The following ZNF383 variants were observed in gnomAD, a reference collection of about 807,000 sequenced individuals.
The protein encoded by ZNF383 is zinc finger protein 383.
A neutral mutation model predicts 44.2 loss-of-function variants in ZNF383; 32 were observed. That is an observed-to-expected ratio of 0.72 (90% confidence interval 0.55 to 0.97). The LOEUF is 0.97. Among genes scored for constraint, ZNF383 ranks in the 50% least tolerant of loss-of-function variants. The pLI, the probability that ZNF383 is intolerant of heterozygous loss-of-function variation, is 0.00. For synonymous variants in ZNF383, 155 were observed against 186.2 expected (o/e 0.83, Z 1.36); for missense variants, 487 against 562.5 (o/e 0.87, Z 1.36).
At position 37,245,155 on chromosome 19, in the gene ZNF383, A is replaced by T. The variant is rs769132817; in HGVS notation, c.*1491A>T. On this transcript the variant is annotated 3_prime_UTR_variant, in exon 6 of 6. Coordinates refer to ENST00000684119, the MANE Select transcript of ZNF383 (RefSeq NM_001387601.1). The stretch of plus-strand genomic sequence containing the variant: ...CTGGGCGTGGTGGCATGTACCTGTA[A>T]TCCCAGCTACTCGGGAGGCTGAGAC... The T allele has an allele frequency of 1.3e-5, 2 of 151,956 alleles. No individual in the cohort carries two copies. Among genetic ancestry groups the T allele is most frequent in the Admixed American group, 6.6e-5 (1 of 15,250 alleles). The allele number at this position is 151,956 out of a possible 1,614,324, so 9.4% of individuals were successfully genotyped here.
chr19:37,246,175 TTAA>T lies in ZNF383; in HGVS notation c.*2515_*2517del, dbSNP rs1243956869. 1 of 152,166 alleles carries T rather than the reference TTAA, an allele frequency of 6.6e-6. No homozygotes were observed. The highest frequency in any genetic ancestry group is 2.4e-5 in the African/African-American group (1 of 41,434). 9.4% of individuals were successfully genotyped at this position (152,166 alleles called of 1,614,324 possible). A position where few individuals can be genotyped will look rare whatever the true frequency, so the allele number is the denominator to read the frequency against. On this transcript the variant is annotated 3_prime_UTR_variant, in exon 6 of 6. Coordinates refer to ENST00000684119, the MANE Select transcript of ZNF383 (RefSeq NM_001387601.1). ...TGGATTGCTGTGAAGAGTCAATGAA[TTAA>T]TAAATGCAAAGTACCTCAAACTGTT...
chr19:37,237,099 C>A (rs938080977), intron 5 of ZNF383, among the ~76,000 whole-genome samples: 1 of 151,972 alleles, frequency 6.6e-6, no homozygotes, highest in Admixed American at 6.6e-5. Context: ...CTTTATGGAA[C>A]GTTTTTTAAT....
At chr19:37,222,543 A>AT (rs563445725) in intron 1 of ZNF383, among the ~76,000 whole-genome samples, 49 of 152,114 alleles carry the variant, frequency 3.2e-4, no homozygotes, top group African/African-American at 1.0e-3. Flanking sequence ...CACCCAGCTA[A>AT]TTTTTTGTAT....
At chr19:37,229,298 G>C (rs1302971373) in intron 2 of ZNF383, among the ~76,000 whole-genome samples, 1 of 150,960 alleles carries the variant, frequency 6.6e-6, no homozygotes, top group African/African-American at 2.4e-5. Context: ...AAGATTACGG[G>C]CATGTGTCAC....
In ZNF383 at chr19:37,243,735, C is replaced by A; in HGVS notation, c.*71C>A. 9.4e-7 allele frequency: 1 copy of A among 1,062,732 alleles called. No homozygotes were observed. Among genetic ancestry groups the A allele is most frequent in the Non-Finnish European group, 1.3e-6 (1 of 764,404 alleles). 65.8% of individuals were successfully genotyped at this position (1,062,732 alleles called of 1,614,324 possible). On this transcript the variant is annotated 3_prime_UTR_variant, in exon 6 of 6. Coordinates refer to ENST00000684119, the MANE Select transcript of ZNF383 (RefSeq NM_001387601.1). ...ATCATGTCTAATAGTTACCCTCTTC[C>A]GTAGTTTTTTTTAAAACTTTGTATT...
At chr19:37,229,802 A>T (rs867875898) in intron 2 of ZNF383, among the ~76,000 whole-genome samples, 2,330 of 125,338 alleles carry the variant, frequency 0.019, 30 homozygotes, top group Middle Eastern at 0.028. Flanking sequence ...ATATATATAT[A>T]TTTTTTTTTT....
intron 2 of ZNF383, among the ~76,000 whole-genome samples, chr19:37,229,764 A>G (rs1384729796): frequency 1.4e-5 from 2 of 140,800 alleles, no homozygotes; most frequent in African/African-American, 2.6e-5. Context: ...ATATGTGTGT[A>G]TATATGTATA....
At chr19:37,234,636 C>T (rs988857383) in intron 3 of ZNF383, among the ~76,000 whole-genome samples, 8 of 152,102 alleles carry the variant, frequency 5.3e-5, no homozygotes, top group South Asian at 2.1e-4. Flanking sequence ...GCGATCAGCC[C>T]GCCTTGGCCT....
intron 3 of ZNF383, among the ~76,000 whole-genome samples, chr19:37,230,888 T>C (rs931266429): frequency 6.6e-6 from 1 of 152,202 alleles, no homozygotes; most frequent in African/African-American, 2.4e-5. Flanking sequence ...GGATGAAGTG[T>C]GGTGCTGGTA....
At chr19:37,241,047 T>C (rs1313536245) in intron 5 of ZNF383, among the ~76,000 whole-genome samples, 1 of 152,192 alleles carries the variant, frequency 6.6e-6, no homozygotes, top group Non-Finnish European at 1.5e-5. Flanking sequence ...CCTCAGGTGA[T>C]CTGCCCGCCT....
In ZNF383 at chr19:37,236,391, T is replaced by C. The variant is rs148749944; in HGVS notation, c.232+317T>C. On this transcript the variant is annotated intron_variant, in intron 5 of 5. Transcript: ENST00000684119. ...TGCTAGCTTTTTTTACTCTCTCTCT[T>C]TTTTTTTCTTTTTTTTTAAAGGGTC... is the stretch of plus-strand genomic sequence containing the variant. Among the ~76,000 whole-genome samples, 5 of 151,608 alleles carry C rather than the reference T, an allele frequency of 3.3e-5. No homozygotes were observed. The East Asian group carries it at 7.8e-4, about 24-fold the overall frequency.
rs578134458 is a variant in ZNF383 at position 37,235,514 on chromosome 19, A to T, written c.10-35A>T. On this transcript the variant is annotated intron_variant, in intron 3 of 5. Coordinates refer to ENST00000684119, the MANE Select transcript of ZNF383 (RefSeq NM_001387601.1). ...ATCGTAGTCTCTGATACATTTTTTTAATTACACAAGTAATACGTATGTTTA... is the reference window on the plus strand; with the variant it reads ...ATCGTAGTCTCTGATACATTTTTTTTATTACACAAGTAATACGTATGTTTA... 177 of 1,611,890 alleles carry T rather than the reference A, an allele frequency of 1.1e-4. 1 individual carries two copies. The highest frequency in any genetic ancestry group is 3.6e-4 in the South Asian group (33 of 90,886).
chr19:37,236,999 A>G (rs1417225892), intron 5 of ZNF383, among the ~76,000 whole-genome samples: 1 of 149,762 alleles, frequency 6.7e-6, no homozygotes, highest in African/African-American at 2.5e-5. Flanking sequence ...ACACACAGAG[A>G]CACACACACA....
chr19:37,218,640 G>T (rs1304359488), intron 1 of ZNF383, among the ~76,000 whole-genome samples: 2 of 152,042 alleles, frequency 1.3e-5, no homozygotes, highest in Non-Finnish European at 2.9e-5. Context: ...TAGTCTGAGG[G>T]GTGTGTGTAA....
chr19:37,237,893 C>T (rs1388615966), intron 5 of ZNF383, among the ~76,000 whole-genome samples: 4 of 150,598 alleles, frequency 2.7e-5, no homozygotes, highest in African/African-American at 9.8e-5. Flanking sequence ...GACAGGGTCT[C>T]ACTCTGTCAC....
chr19:37,235,661 A>C lies in ZNF383; in HGVS notation c.122A>C (p.Asn41Thr), dbSNP rs1466198788. The C allele has an allele frequency of 6.2e-7, 1 of 1,610,778 alleles. No individual in the cohort carries two copies. Among genetic ancestry groups the C allele is most frequent in the Non-Finnish European group, 8.5e-7 (1 of 1,178,492 alleles). Residue 41 changes from asparagine to threonine, a missense_variant, in exon 4 of 6, where the codon AAT becomes ACT. Physicochemically the swap from Asn to Thr is moderately conservative, Grantham distance 65. Coordinates refer to ENST00000684119, the MANE Select transcript of ZNF383 (RefSeq NM_001387601.1). ...GATGTGATGTTGGAGAACTACGGCAATCTGGTTTCAATGGGTAAGGGCATC... is the reference window on the plus strand; with the variant it reads ...GATGTGATGTTGGAGAACTACGGCACTCTGGTTTCAATGGGTAAGGGCATC... ...YRDVMLENYG[N>T]LVSMGLYTPK...
rs759826566 is a variant in ZNF383 at position 37,242,840 on chromosome 19, G to C, written c.604G>C (p.Glu202Gln). 1 of 1,613,996 alleles carries C rather than the reference G, an allele frequency of 6.2e-7. No homozygotes were observed. Among genetic ancestry groups the C allele is most frequent in the Non-Finnish European group, 8.5e-7 (1 of 1,179,908 alleles). ...HIGEKSYECK[E>Q]CGKFFSCGSH... Reference sequence around the variant, plus strand: ...TGGTGAAAAATCTTATGAATGTAAAGAGTGTGGGAAATTCTTTAGTTGTGG... The same window carrying C: ...TGGTGAAAAATCTTATGAATGTAAACAGTGTGGGAAATTCTTTAGTTGTGG... Residue 202 changes from glutamate to glutamine, a missense_variant, in exon 6 of 6, where the codon GAG becomes CAG. Coordinates refer to ENST00000684119, the MANE Select transcript of ZNF383 (RefSeq NM_001387601.1).
chr19:37,235,828 G>C (rs976682628), intron 4 of ZNF383, 151 bp from the exon 5 acceptor site: 10 of 1,276,768 alleles, frequency 7.8e-6, no homozygotes, highest in Non-Finnish European at 1.1e-5. Flanking sequence ...GGAAGAGTGG[G>C]AAATTGGCAA....
intron 1 of ZNF383, among the ~76,000 whole-genome samples, chr19:37,222,367 G>C (rs73627726): frequency 7.9e-5 from 12 of 151,982 alleles, no homozygotes; most frequent in African/African-American, 2.7e-4. Context: ...AAATTCTGTT[G>C]TATGAATATA....
Sources: gnomAD v4.1 joint callset for allele counts (sites outside exome capture counted in the v4.1 genomes callset) on GRCh38, gnomAD v4.1.1 for gene constraint, MANE v1.5 for transcripts, NCBI Gene and HGNC (gene_info 2026-07-23, HGNC 2026-07-21) for gene names.